Variants in EYA4 observed in about 807,000 individuals in gnomAD.
EYA4 encodes the protein protein phosphatase EYA4.
In EYA4, 31 loss-of-function variants were observed where a neutral mutation model predicts 87.9. That is an observed-to-expected ratio of 0.35 (90% CI 0.27 to 0.48). The LOEUF is 0.48. Among genes scored for constraint, EYA4 ranks in the 20% least tolerant of loss-of-function variants. The probability of loss-of-function intolerance (pLI) is 0.99; values close to 1 mark genes in which losing one functional copy is unlikely to be tolerated. For synonymous variants in EYA4, 263 were observed against 270.6 expected (o/e 0.97, Z 0.28); for missense variants, 678 against 761.4 (o/e 0.89, Z 1.29).
intron 2 of EYA4, among the ~76,000 whole-genome samples, chr6:133,370,376 A>G (rs372811127): frequency 6.6e-5 from 10 of 152,186 alleles, no homozygotes; most frequent in African/African-American, 2.4e-4. Context: ...TCTATCTCAG[A>G]GAAAAATATT....
chr6:133,374,824 C>A (rs1187551625), intron 2 of EYA4, among the ~76,000 whole-genome samples: 3 of 151,956 alleles, frequency 2.0e-5, no homozygotes, highest in African/African-American at 7.2e-5. Context: ...TTTACAGCTG[C>A]AAGATCTTTG....
chr6:133,404,829 A>G (rs1788563892), intron 3 of EYA4, among the ~76,000 whole-genome samples: 2 of 152,214 alleles, frequency 1.3e-5, no homozygotes, highest in Admixed American at 1.3e-4. Flanking sequence ...GCTTGTATCC[A>G]GTTTCTAGTC....
chr6:133,381,977 T>A (rs997633034), intron 2 of EYA4, among the ~76,000 whole-genome samples: 1 of 152,208 alleles, frequency 6.6e-6, no homozygotes, highest in Non-Finnish European at 1.5e-5. Context: ...TATGAACATT[T>A]TAGTTAATGC....
At chr6:133,480,482 T>C (rs1345984541) in intron 11 of EYA4, among the ~76,000 whole-genome samples, 1 of 152,198 alleles carries the variant, frequency 6.6e-6, no homozygotes, top group Non-Finnish European at 1.5e-5. Context: ...ACGTGACTCT[T>C]GAGCACTTGT....
chr6:133,316,636 C>G (rs1780644788), intron 2 of EYA4, among the ~76,000 whole-genome samples: 1 of 152,226 alleles, frequency 6.6e-6, no homozygotes, highest in Admixed American at 6.5e-5. Flanking sequence ...TTTGGCCCTG[C>G]TGTACTTGTA....
chr6:133,431,806 G>A (rs1268533584), intron 3 of EYA4, among the ~76,000 whole-genome samples: 1 of 152,058 alleles, frequency 6.6e-6, no homozygotes, highest in Non-Finnish European at 1.5e-5. Flanking sequence ...TTCATGGTTG[G>A]AACACATCTA....
chr6:133,396,055 G>A lies in EYA4; in HGVS notation c.83+13614G>A, dbSNP rs191141817. On this transcript the variant is annotated intron_variant, in intron 3 of 19. Coordinates refer to ENST00000355286, the MANE Select transcript of EYA4 (RefSeq NM_004100.5). ...TTCCCCTTCTTTCCTATCTTAGGATGACTTTTACCATGGGCATTGCACTTT... is the reference window on the plus strand; with the variant it reads ...TTCCCCTTCTTTCCTATCTTAGGATAACTTTTACCATGGGCATTGCACTTT... Among the ~76,000 whole-genome samples the A allele has an allele frequency of 1.4e-3, 209 of 152,148 alleles. 1 individual carries two copies. The highest frequency in any genetic ancestry group is 4.8e-3 in the African/African-American group (200 of 41,526).
intron 11 of EYA4, among the ~76,000 whole-genome samples, chr6:133,476,859 A>T (rs1795785537): frequency 6.6e-6 from 1 of 151,990 alleles, no homozygotes; most frequent in Non-Finnish European, 1.5e-5. Context: ...TGGTGTCCCC[A>T]TCCAAAATCT....
chr6:133,444,685 G>A (rs1271930539), intron 3 of EYA4, among the ~76,000 whole-genome samples: 1 of 152,124 alleles, frequency 6.6e-6, no homozygotes, highest in African/African-American at 2.4e-5. Flanking sequence ...GAAAGAGTGT[G>A]CTCTTGGGCA....
At chr6:133,476,443 TACTC>T (rs1279251501) in intron 11 of EYA4, among the ~76,000 whole-genome samples, 1 of 152,086 alleles carries the variant, frequency 6.6e-6, no homozygotes, top group Non-Finnish European at 1.5e-5. Flanking sequence ...ACCACCATCT[TACTC>T]ACTTCTTCTA....
intron 17 of EYA4, among the ~76,000 whole-genome samples, chr6:133,516,984 G>C (rs1799653677): frequency 6.6e-6 from 1 of 152,144 alleles, no homozygotes; most frequent in Admixed American, 6.6e-5. Flanking sequence ...ACATGTGTGT[G>C]CATGTGTCTT....
intron 17 of EYA4, among the ~76,000 whole-genome samples, chr6:133,519,372 C>T (rs1324848282): frequency 3.3e-5 from 5 of 151,944 alleles, no homozygotes; most frequent in South Asian, 2.1e-4. Flanking sequence ...AACACCTCTA[C>T]GCAAATAAAC....
chr6:133,350,851 C>CT (rs1333505830), intron 2 of EYA4, among the ~76,000 whole-genome samples: 4 of 151,806 alleles, frequency 2.6e-5, no homozygotes, highest in Non-Finnish European at 5.9e-5. Flanking sequence ...CATTTCATTT[C>CT]TTTTTTTGTT....
chr6:133,260,587 T>G (rs1000979852), intron 1 of EYA4, among the ~76,000 whole-genome samples: 1 of 152,210 alleles, frequency 6.6e-6, no homozygotes, highest in African/African-American at 2.4e-5. Flanking sequence ...CTTTGTACTC[T>G]GTGGAGCAAT....
At chr6:133,500,742 C>T (rs1583473230) in intron 13 of EYA4, among the ~76,000 whole-genome samples, 1 of 152,266 alleles carries the variant, frequency 6.6e-6, no homozygotes, top group South Asian at 2.1e-4. Flanking sequence ...ACTTCTTTCG[C>T]TAAGCCACCA....
chr6:133,431,572 C>G (rs1485134394), intron 3 of EYA4, among the ~76,000 whole-genome samples: 1 of 152,172 alleles, frequency 6.6e-6, no homozygotes, highest in African/African-American at 2.4e-5. Context: ...TGCAATCTTA[C>G]TCTTGTATTT....
chr6:133,381,483 T>C (rs1404558189), intron 2 of EYA4, among the ~76,000 whole-genome samples: 1 of 152,166 alleles, frequency 6.6e-6, no homozygotes, highest in East Asian at 1.9e-4. Context: ...TTCCTCATGG[T>C]ATATATTCAG....
At chr6:133,490,393 CAAAAA>C (rs58462211) in intron 13 of EYA4, among the ~76,000 whole-genome samples, 1 of 145,770 alleles carries the variant, frequency 6.9e-6, no homozygotes, top group African/African-American at 2.5e-5. Flanking sequence ...TAAAAAAAAA[CAAAAA>C]AAAACAAAAA....
intron 1 of EYA4, among the ~76,000 whole-genome samples, chr6:133,244,739 A>G (rs905263848): frequency 1.3e-5 from 2 of 152,090 alleles, no homozygotes; most frequent in Admixed American, 1.3e-4. Context: ...AGAGTATCCA[A>G]TTTCATGTTT....
Sources: allele counts gnomAD v4.1 joint callset (sites outside exome capture counted in the v4.1 genomes callset), GRCh38; gene constraint gnomAD v4.1.1; transcripts MANE v1.5; gene names NCBI Gene and HGNC (gene_info 2026-07-23, HGNC 2026-07-21).